The following PTPN1 variants were observed in gnomAD, a reference collection of about 807,000 sequenced individuals.
PTPN1 encodes tyrosine-protein phosphatase non-receptor type 1.
PTPN1 carries 12 observed loss-of-function variants against 59.9 expected under a neutral mutation model. The observed-to-expected ratio is 0.20, with a 90% CI of 0.13 to 0.32. The LOEUF (loss-of-function observed/expected upper bound fraction) is 0.32, where lower values mean the gene tolerates loss of function less well. PTPN1 is among the 10% of genes least tolerant of loss of function. The pLI, the probability that PTPN1 is intolerant of heterozygous loss-of-function variation, is 1.00. For synonymous variants in PTPN1, 178 were observed against 203.6 expected (o/e 0.87, Z 1.07); for missense variants, 356 against 549.2 (o/e 0.65, Z 3.52).
At chr20:50,561,867 C>G (rs1456352132) in intron 2 of PTPN1, among the ~76,000 whole-genome samples, 1 of 152,178 alleles carries the variant, frequency 6.6e-6, no homozygotes, top group African/African-American at 2.4e-5. Flanking sequence ...CTGTCGTCCC[C>G]TGCGCTGAAT....
intron 4 of PTPN1, among the ~76,000 whole-genome samples, chr20:50,569,678 GTAGACCGTCGTGTA>G (rs1003386034): frequency 6.7e-6 from 1 of 149,448 alleles, no homozygotes; most frequent in Non-Finnish European, 1.5e-5. Context: ...GACTGTCTCT[GTAGACCGTCGTGTA>G]TAGACTGTCC....
chr20:50,510,621 C>T (rs1424431494), intron 1 of PTPN1, 31 bp downstream of exon 1: 6 of 1,548,458 alleles, frequency 3.9e-6, no homozygotes, highest in Middle Eastern at 1.7e-4. Context: ...GTGGCGGGCC[C>T]TTCGCTTAGG....
chr20:50,537,119 T>A (rs1040983470), intron 1 of PTPN1, among the ~76,000 whole-genome samples: 8 of 152,262 alleles, frequency 5.3e-5, no homozygotes, highest in African/African-American at 1.9e-4. Context: ...GGTCAGGAGT[T>A]TGAGACCAGA....
intron 3 of PTPN1, among the ~76,000 whole-genome samples, chr20:50,565,384 T>C (rs903521390): frequency 6.6e-6 from 1 of 152,210 alleles, no homozygotes; most frequent in East Asian, 1.9e-4. Context: ...GGTCTGTACC[T>C]GTGTTGCTTC....
In PTPN1 at chr20:50,510,442, C is replaced by A; in HGVS notation, c.-86C>A. The stretch of plus-strand genomic sequence containing the variant: ...TGCAGGGGTCGGGGATTGCAGCGGG[C>A]CTCGGGGCTAAGAGCGCGACGCGGC... On this transcript the variant is annotated 5_prime_UTR_variant, in exon 1 of 10. Transcript: ENST00000371621. 2 of 1,435,040 alleles carry A rather than the reference C, an allele frequency of 1.4e-6. No individual in the cohort carries two copies. Among genetic ancestry groups the A allele is most frequent in the Non-Finnish European group, 1.9e-6 (2 of 1,058,468 alleles). The allele number at this position is 1,435,040 out of a possible 1,614,324, so 88.9% of individuals were successfully genotyped here.
intron 6 of PTPN1, 107 bp from the exon 7 acceptor site, chr20:50,579,061 A>T (rs1309584707): frequency 1.6e-6 from 2 of 1,285,370 alleles, no homozygotes; most frequent in Non-Finnish European, 2.2e-6. Flanking sequence ...AACACTAGGG[A>T]TCACATTTCA....
chr20:50,561,889 C>T (rs1332485248), intron 2 of PTPN1, among the ~76,000 whole-genome samples: 2 of 152,158 alleles, frequency 1.3e-5, no homozygotes, highest in African/African-American at 2.4e-5. Flanking sequence ...TGCAAGGCAG[C>T]TCTGTCTGGA....
Position 50,575,503 on chromosome 20 carries a change from G to T in PTPN1, c.492+849G>T, listed in dbSNP as rs914461. Among the ~76,000 whole-genome samples, 7 of 152,336 alleles carry T rather than the reference G, an allele frequency of 4.6e-5. No individual in the cohort carries two copies. In the East Asian group the frequency reaches 1.3e-3, roughly 29 times the overall value. ...CTTTATCTGAAGGGAAGGTGGAGCC[G>T]TAGGGAGACCATGTGGAGTGGGGCT... On this transcript the variant is annotated intron_variant, in intron 5 of 9. Coordinates refer to ENST00000371621, the MANE Select transcript of PTPN1 (RefSeq NM_002827.4).
chr20:50,546,397 C>G lies in PTPN1; in HGVS notation c.64-14966C>G, dbSNP rs2082676358. On this transcript the variant is annotated intron_variant, in intron 1 of 9. Transcript: ENST00000371621. Reference sequence around the variant, plus strand: ...CTGCTTCCTCTCTTCCCCAGATTGTCTTTTTATTGTTGTGGCTTCACTGAA... The same window carrying G: ...CTGCTTCCTCTCTTCCCCAGATTGTGTTTTTATTGTTGTGGCTTCACTGAA... 7.9e-5 allele frequency among the ~76,000 whole-genome samples: 12 copies of G among 152,240 alleles called. No homozygotes were observed. In the South Asian group the frequency reaches 2.5e-3, roughly 32 times the overall value.
At chr20:50,579,356 G>C (rs375528659) in intron 7 of PTPN1, 27 bp downstream of exon 7, 50 of 1,592,836 alleles carry the variant, frequency 3.1e-5, no homozygotes, top group Non-Finnish European at 3.8e-5. Context: ...TTTGAATCCA[G>C]GTGTGACCAT....
chr20:50,554,380 A>ATTTTCTCTCTCTCTCTC (rs11481722), intron 1 of PTPN1, among the ~76,000 whole-genome samples: 5 of 140,200 alleles, frequency 3.6e-5, no homozygotes, highest in Non-Finnish European at 7.7e-5. Flanking sequence ...GCAAGACCAC[A>ATTTTCTCTCTCTCTCTC]TCTCTCTCTC....
chr20:50,569,170 C>T (rs2122788199), intron 4 of PTPN1, among the ~76,000 whole-genome samples: 1 of 152,326 alleles, frequency 6.6e-6, no homozygotes, highest in South Asian at 2.1e-4. Flanking sequence ...CCAAGTCTCA[C>T]CACGGTTCTT....
intron 1 of PTPN1, among the ~76,000 whole-genome samples, chr20:50,547,190 C>G (rs537038061): frequency 6.6e-6 from 1 of 152,134 alleles, no homozygotes; most frequent in South Asian, 2.1e-4. Flanking sequence ...CTATTAGGGA[C>G]GGTAAAAATA....
At chr20:50,516,809 A>G (rs1028129081) in intron 1 of PTPN1, among the ~76,000 whole-genome samples, 2 of 152,230 alleles carry the variant, frequency 1.3e-5, no homozygotes, top group Non-Finnish European at 2.9e-5. Context: ...GAAAGCTTCA[A>G]CCCTAACTAG....
intron 1 of PTPN1, among the ~76,000 whole-genome samples, chr20:50,559,649 T>C (rs1327062782): frequency 6.6e-6 from 1 of 152,096 alleles, no homozygotes; most frequent in Non-Finnish European, 1.5e-5. Context: ...TTTTTCTTGG[T>C]TTACTTTCTT....
chr20:50,549,889 T>C (rs1327075121), intron 1 of PTPN1, among the ~76,000 whole-genome samples: 2 of 152,220 alleles, frequency 1.3e-5, no homozygotes, highest in Non-Finnish European at 2.9e-5. Flanking sequence ...TTAACTTTCA[T>C]ATATAGCATT....
At chr20:50,520,449 A>G (rs2082546238) in intron 1 of PTPN1, among the ~76,000 whole-genome samples, 1 of 151,938 alleles carries the variant, frequency 6.6e-6, no homozygotes, top group African/African-American at 2.4e-5. Context: ...ATATTCTTTC[A>G]TACAGGTATG....
chr20:50,582,527 G>A lies in PTPN1; in HGVS notation c.1285-165G>A, dbSNP rs1416870268. On this transcript the variant is annotated intron_variant, in intron 9 of 9. Transcript: ENST00000371621. This position sits in a 1 kb window ranked among gnomAD's most constrained non-coding sequence, Gnocchi z 4.2. ...CAAAATGCAAACAATTTTTTCCTTG[G>A]GGATGATTTTTGGGGAGAGGGGGCT... 6.6e-6 allele frequency among the ~76,000 whole-genome samples: 1 copy of A among 152,118 alleles called. No homozygotes were observed. The highest frequency in any genetic ancestry group is 1.5e-5 in the Non-Finnish European group (1 of 68,024).
rs199565200 is a variant in PTPN1 at position 50,578,616 on chromosome 20, C to G, written c.689C>G (p.Thr230Ser). 231 of 1,613,482 alleles carry G rather than the reference C, an allele frequency of 1.4e-4. No individual in the cohort carries two copies. Among genetic ancestry groups the G allele is most frequent in the Non-Finnish European group, 1.8e-4 (208 of 1,179,604 alleles). ...GRSGTFCLADTCLLLMDKRKD... is the reference protein window; with the variant it reads ...GRSGTFCLADSCLLLMDKRKD... ...TCTGGAACCTTCTGTCTGGCTGATA[C>G]CTGCCTCTTGCTGGTAAGGAGGCCC... The change falls in exon 6 of 10, where the codon ACC becomes AGC. Residue 230 changes from threonine to serine, a missense_variant. Around this residue, in one of 3 missense-constraint regions of PTPN1, gnomAD observed 194 missense variants for 344.2 expected, o/e 0.56. Transcript: ENST00000371621.
Sources: allele counts gnomAD v4.1 joint callset (sites outside exome capture counted in the v4.1 genomes callset), GRCh38; gene constraint gnomAD v4.1.1; regional missense constraint gnomAD v4.1.1; non-coding constraint Gnocchi (gnomAD v3.1); transcripts MANE v1.5; gene names NCBI Gene and HGNC (gene_info 2026-07-23, HGNC 2026-07-21).